MNS1: variants seen among roughly 807,000 people sequenced by gnomAD.
MNS1 encodes meiosis-specific nuclear structural protein 1.
MNS1 carries 63 observed loss-of-function variants against 72.0 expected under a neutral mutation model. The observed-to-expected ratio is 0.87, with a 90% CI of 0.71 to 1.08. The LOEUF (loss-of-function observed/expected upper bound fraction) is 1.08, where lower values mean the gene tolerates loss of function less well. Ranked by LOEUF, MNS1 falls within the 50% of genes least tolerant of loss-of-function variation. MNS1 has a pLI of 0.00. For synonymous variants in MNS1, 188 were observed against 172.1 expected, an observed-to-expected ratio of 1.09 and a Z score of -0.72; for missense variants, 604 against 562.4, an observed-to-expected ratio of 1.07 and a Z score of -0.75.
At chr15:56,462,551 G>A (rs954349252) in intron 2 of MNS1, among the ~76,000 whole-genome samples, 19 of 152,182 alleles carry the variant, frequency 1.2e-4, no homozygotes, top group African/African-American at 4.3e-4. Flanking sequence ...AAGCAAACAC[G>A]TATATTCAGA....
At chr15:56,432,498 C>G (rs2050622172) in intron 8 of MNS1, among the ~76,000 whole-genome samples, 1 of 152,176 alleles carries the variant, frequency 6.6e-6, no homozygotes, top group African/African-American at 2.4e-5. Context: ...TCACGAAGAT[C>G]TGTCCTTGAC....
intron 8 of MNS1, 138 bp downstream of exon 8, chr15:56,434,000 A>G (rs1384977933): frequency 1.6e-5 from 15 of 939,080 alleles, no homozygotes; most frequent in Non-Finnish European, 3.0e-6. Flanking sequence ...AAAAATGGTC[A>G]GAAAATTTAT....
At chr15:56,432,933 A>G (rs1352043967) in intron 8 of MNS1, among the ~76,000 whole-genome samples, 3 of 152,206 alleles carry the variant, frequency 2.0e-5, no homozygotes, top group South Asian at 4.1e-4. Flanking sequence ...AAACACCTAC[A>G]TATTATCCAT....
At chr15:56,446,699 T>A in intron 4 of MNS1, 142 bp downstream of exon 4, 1 of 612,848 alleles carries the variant, frequency 1.6e-6, no homozygotes, top group Non-Finnish European at 2.8e-6. Context: ...ATTTTCTACA[T>A]CTTAAGGATC....
chr15:56,459,990 C>CAAAAAAAAAA (rs150132300), intron 2 of MNS1, among the ~76,000 whole-genome samples: 288 of 11,100 alleles, frequency 0.026, 55 homozygotes, highest in Non-Finnish European at 0.034. Context: ...AATTCTGTCT[C>CAAAAAAAAAA]AAAAAAAAAA....
intron 3 of MNS1, among the ~76,000 whole-genome samples, chr15:56,449,351 A>C (rs1371912665): frequency 1.3e-5 from 2 of 148,156 alleles, no homozygotes; most frequent in African/African-American, 5.2e-5. Flanking sequence ...GTGATGATTC[A>C]TATCAATGGG....
intron 2 of MNS1, chr15:56,463,645 G>A (rs1371274821): frequency 6.1e-6 from 1 of 163,916 alleles, no homozygotes; most frequent in Non-Finnish European, 1.3e-5. Context: ...AGCCAGGCGT[G>A]GTGTTGCGCG....
intron 3 of MNS1, among the ~76,000 whole-genome samples, chr15:56,449,086 A>G (rs2050929294): frequency 6.6e-6 from 1 of 152,184 alleles, no homozygotes; most frequent in Admixed American, 6.5e-5. Context: ...TTCTACACAT[A>G]CAATCATATC....
chr15:56,452,912 G>A (rs1292678900), intron 3 of MNS1, among the ~76,000 whole-genome samples: 8 of 152,144 alleles, frequency 5.3e-5, no homozygotes, highest in African/African-American at 1.9e-4. Context: ...CCAGAAACCA[G>A]CCAAAGACCA....
chr15:56,457,997 A>T (rs2050991957), intron 2 of MNS1, among the ~76,000 whole-genome samples: 1 of 152,238 alleles, frequency 6.6e-6, no homozygotes, highest in Non-Finnish European at 1.5e-5. Context: ...GAGTGGTCAA[A>T]TAAACTGTGG....
chr15:56,432,557 C>A (rs1365303638), intron 8 of MNS1, among the ~76,000 whole-genome samples: 4 of 152,042 alleles, frequency 2.6e-5, no homozygotes, highest in Admixed American at 2.6e-4. Flanking sequence ...AAAACTAAGC[C>A]GACAGCTTCA....
intron 3 of MNS1, among the ~76,000 whole-genome samples, chr15:56,454,746 C>T (rs1412240921): frequency 6.6e-6 from 1 of 152,174 alleles, no homozygotes. Flanking sequence ...TATATTAATA[C>T]ATCTGCTAGA....
At chr15:56,460,003 A>ATATATATATATATATATATATATAT (rs1243035397) in intron 2 of MNS1, among the ~76,000 whole-genome samples, 8 of 32,856 alleles carry the variant, frequency 2.4e-4, no homozygotes, top group African/African-American at 9.0e-4. Flanking sequence ...AAAAAAAAAA[A>ATATATATATATATATATATATATAT]AAAAAAATAC....
intron 7 of MNS1, among the ~76,000 whole-genome samples, chr15:56,439,514 T>C (rs1287827092): frequency 6.6e-6 from 1 of 151,922 alleles, no homozygotes; most frequent in Admixed American, 6.6e-5. Context: ...GGTGGAGGGA[T>C]GGATACATAG....
Position 56,446,929 on chromosome 15 carries a change from T to C in MNS1, c.368A>G (p.Glu123Gly). Reference protein sequence around the residue: ...QVRENSIELRELEKKLKAAYM... With the variant: ...QVRENSIELRGLEKKLKAAYM... ...AGCTGCTTTTAATTTCTTCTCCAAT[T>C]CTCTAAGCTCAATGCTGTTTAAAAA... is the stretch of plus-strand genomic sequence containing the variant. Residue 123 changes from glutamate (E) to glycine (G), a missense_variant, in exon 4 of 10, where the codon GAA becomes GGA. By Grantham distance (98) the Glu-to-Gly change is moderately conservative. Coordinates refer to ENST00000260453, the MANE Select transcript of MNS1 (RefSeq NM_018365.4). The C allele has an allele frequency of 1.2e-6, 2 of 1,608,010 alleles. No individual in the cohort carries two copies. The highest frequency in any genetic ancestry group is 1.7e-6 in the Non-Finnish European group (2 of 1,178,612).
chr15:56,446,848 T>G lies in MNS1; in HGVS notation c.449A>C (p.Glu150Ala), dbSNP rs781348971. The G allele has an allele frequency of 6.2e-7, 1 of 1,603,540 alleles. No individual in the cohort carries two copies. Among genetic ancestry groups the G allele is most frequent in the South Asian group, 1.1e-5 (1 of 90,626 alleles). Residue 150 changes from glutamate to alanine, a missense_variant, in exon 4 of 10, where the codon GAA becomes GCA. Glu to Ala is a moderately radical substitution (Grantham distance 107). Transcript: ENST00000260453. ...GACCAGAAACATGATTACCATTTGT[T>G]CATATTTAATGGCATCCTTTTCAGC... ...QIAEKDAIKY[E>A]QMKRDAEIAK...
chr15:56,464,193 C>A lies in MNS1; in HGVS notation c.58G>T (p.Glu20Ter). ...ACATGTAATTTTTTGCAGTAGTTTTCATCTACTAATTTCTGATGCCTTTCA... is the reference window on the plus strand; with the variant it reads ...ACATGTAATTTTTTGCAGTAGTTTTAATCTACTAATTTCTGATGCCTTTCA... ...CSERHQKLVD[E>*]NYCKKLHVQA... Residue 20 changes from glutamate to a stop codon, truncating the protein, a stop_gained, in exon 2 of 10, where the codon GAA (glutamate) becomes TAA (stop). Coordinates refer to ENST00000260453, the MANE Select transcript of MNS1 (RefSeq NM_018365.4). LOFTEE classifies it high-confidence loss of function. The A allele has an allele frequency of 3.1e-6, 5 of 1,613,840 alleles. No individual in the cohort carries two copies. In the East Asian group the frequency reaches 1.1e-4, roughly 36 times the overall value.
In MNS1 at chr15:56,444,490, G is replaced by C; in HGVS notation, c.640C>G (p.Leu214Val). The stretch of plus-strand genomic sequence containing the variant: ...TTCCTAACAATTTCATCAATCATGA[G>C]TTTCTCTTTTAGCAGCTGCTCATAA... ...EAYEQLLKEK[L>V]MIDEIVRKIY... The change falls in exon 5 of 10, where the codon CTC becomes GTC. Residue 214 changes from leucine to valine, a missense_variant. Physicochemically the swap from Leu to Val is conservative, Grantham distance 32. Transcript: ENST00000260453. 6.2e-7 allele frequency: 1 copy of C among 1,608,990 alleles called. No homozygotes were observed. Among genetic ancestry groups the C allele is most frequent in the Non-Finnish European group, 8.5e-7 (1 of 1,178,812 alleles).
At position 56,443,271 on chromosome 15, in the gene MNS1, T is replaced by C. The variant is rs1426082247; in HGVS notation, c.1011+159A>G. On this transcript the variant is annotated intron_variant, in intron 7 of 9. Transcript: ENST00000260453. ...AAATTGATGCCTGAGTCTATCTTTT[T>C]AGCCAGCTTGAAAATTTCTGTCTTT... Among the ~76,000 whole-genome samples the C allele has an allele frequency of 4.6e-5, 7 of 152,222 alleles. No homozygotes were observed. In the East Asian group the frequency reaches 1.3e-3, roughly 29 times the overall value.
Sources: allele counts gnomAD v4.1 joint callset (sites outside exome capture counted in the v4.1 genomes callset), GRCh38; gene constraint gnomAD v4.1.1; transcripts MANE v1.5; gene names NCBI Gene and HGNC (gene_info 2026-07-23, HGNC 2026-07-21).